Variants in DLST observed in about 807,000 individuals in gnomAD.
DLST encodes the protein dihydrolipoyllysine-residue succinyltransferase component of 2-oxoglutarate dehydrogenase complex, mitochondrial.
A neutral mutation model predicts 53.1 loss-of-function variants in DLST; 17 were observed. The ratio of observed to expected loss-of-function variants is 0.32; its 90% confidence interval spans 0.22 to 0.48. DLST has a LOEUF of 0.48. Ranked by LOEUF, DLST falls within the 20% of genes least tolerant of loss-of-function variation. DLST has a pLI of 0.99. For synonymous variants in DLST, 206 were observed against 204.8 expected, an observed-to-expected ratio of 1.01 and a Z score of -0.05; for missense variants, 512 against 583.9, an observed-to-expected ratio of 0.88 and a Z score of 1.27.
chr14:74,883,231 C>T (rs955945663), intron 2 of DLST, among the ~76,000 whole-genome samples: 3 of 148,972 alleles, frequency 2.0e-5, no homozygotes, highest in Admixed American at 6.8e-5. Flanking sequence ...GGAGGCGGAG[C>T]TTGCAGTGAG....
At chr14:74,885,821 G>A (rs752262014) in intron 3 of DLST, 187 bp downstream of exon 3, 4 of 568,454 alleles carry the variant, frequency 7.0e-6, no homozygotes, top group African/African-American at 5.9e-5. Flanking sequence ...CATCAGCTCC[G>A]TGTCAGGTTT....
chr14:74,893,272 T>TA (rs1162984899), intron 8 of DLST, 76 bp from the exon 9 acceptor site: 2 of 1,515,572 alleles, frequency 1.3e-6, no homozygotes, highest in African/African-American at 2.7e-5. Flanking sequence ...TAACAGTACA[T>TA]ATGAAAGCAC....
chr14:74,894,549 T>G (rs1884016537), intron 10 of DLST, 140 bp downstream of exon 10: 3 of 948,188 alleles, frequency 3.2e-6, no homozygotes, highest in Non-Finnish European at 4.5e-6. Context: ...GTTTGTTTGT[T>G]TTTGTTTTTG....
intron 12 of DLST, 134 bp downstream of exon 12, chr14:74,900,130 T>G: frequency 9.3e-7 from 1 of 1,078,528 alleles, no homozygotes; most frequent in Non-Finnish European, 1.4e-6. Flanking sequence ...ACCTTTTTTT[T>G]CTTTTAAACC....
chr14:74,894,516 G>A, intron 10 of DLST, 107 bp downstream of exon 10: 1 of 1,170,218 alleles, frequency 8.5e-7, no homozygotes, highest in Non-Finnish European at 1.2e-6. Flanking sequence ...TGTCAGGGAA[G>A]AGGTATTTGT....
At chr14:74,892,420 C>A (rs1301843950) in intron 7 of DLST, among the ~76,000 whole-genome samples, 1 of 151,918 alleles carries the variant, frequency 6.6e-6, no homozygotes, top group Non-Finnish European at 1.5e-5. Context: ...TAATAGTATT[C>A]TTGCATATAT....
At chr14:74,889,805 G>A in intron 5 of DLST, 92 bp from the exon 6 acceptor site, 1 of 1,253,402 alleles carries the variant, frequency 8.0e-7, no homozygotes, top group African/African-American at 1.5e-5. Flanking sequence ...TGTAGGAAAG[G>A]GTTCTTATAA....
chr14:74,887,374 C>A (rs1466768403), intron 3 of DLST, among the ~76,000 whole-genome samples: 1 of 152,016 alleles, frequency 6.6e-6, no homozygotes, highest in Admixed American at 6.6e-5. Context: ...AAAATTGGGG[C>A]AATCATGACT....
rs1218648873 is a variant in DLST, at chr14:74,902,414, C to T, written c.*84C>T. 2 of 1,472,764 alleles carry T rather than the reference C, an allele frequency of 1.4e-6. No individual in the cohort carries two copies. The highest frequency in any genetic ancestry group is 1.8e-6 in the Non-Finnish European group (2 of 1,097,238). The allele number at this position is 1,472,764 out of a possible 1,614,324, so 91.2% of individuals were successfully genotyped here. ...TGTCCCCTCATGGGTCCCGGGTTAG[C>T]CTGGTGACAGGCAGACACATGCTGT... On this transcript the variant is annotated 3_prime_UTR_variant, in exon 15 of 15. Coordinates refer to ENST00000334220, the MANE Select transcript of DLST (RefSeq NM_001933.5).
rs1331012371 is a variant in DLST at position 74,892,921 on chromosome 14, C to T, written c.530C>T (p.Ala177Val). The T allele has an allele frequency of 1.9e-6, 3 of 1,614,058 alleles. No individual in the cohort carries two copies. In the African/African-American group the frequency reaches 4.0e-5, roughly 22 times the overall value. Reference protein sequence around the residue: ...EPTAAAVPPPAAPIPTQMPPV... With the variant: ...EPTAAAVPPPVAPIPTQMPPV... ...ACAGCAGCGGCAGTTCCTCCCCCTG[C>T]AGCACCCATACCCACTCAGATGCCA... Residue 177 changes from alanine to valine, a missense_variant, in exon 8 of 15, where the codon GCA (alanine) becomes GTA (valine). Coordinates refer to ENST00000334220, the MANE Select transcript of DLST (RefSeq NM_001933.5).
In DLST at chr14:74,889,761, C is replaced by T. The variant is rs1594874558; in HGVS notation, c.275-136C>T. On this transcript the variant is annotated intron_variant, in intron 5 of 14. Transcript: ENST00000334220. ...GATAGTTGTAGAATTTATAGCTCTG[C>T]CGTTTTCTTTACATATGTACTTTCT... 5.2e-6 allele frequency: 4 copies of T among 764,764 alleles called. No individual in the cohort carries two copies. In the East Asian group the frequency reaches 1.0e-4, roughly 20 times the overall value. 47.4% of individuals were successfully genotyped at this position (764,764 alleles called of 1,614,324 possible).
intron 3 of DLST, among the ~76,000 whole-genome samples, chr14:74,888,516 C>T (rs1327708088): frequency 2.6e-5 from 4 of 151,852 alleles, no homozygotes; most frequent in Middle Eastern, 3.4e-3. Flanking sequence ...CTTTGAGACC[C>T]GTCTGGGCAA....
chr14:74,882,615 T>G lies in DLST; in HGVS notation c.88T>G (p.Ser30Ala). ...QKGNCPLGRR[S>A]LPGVSLCQGP... ...GGGGAACTGCCCTCTAGGGAGACGTTCCCTGCCTGGTAAGTTCTGCCCTTA... is the reference window on the plus strand; with the variant it reads ...GGGGAACTGCCCTCTAGGGAGACGTGCCCTGCCTGGTAAGTTCTGCCCTTA... Residue 30 changes from serine to alanine, a missense_variant, in exon 2 of 15, where the codon TCC becomes GCC. Coordinates refer to ENST00000334220, the MANE Select transcript of DLST (RefSeq NM_001933.5). 1 of 1,613,986 alleles carries G rather than the reference T, an allele frequency of 6.2e-7. No homozygotes were observed. Among genetic ancestry groups the G allele is most frequent in the Non-Finnish European group, 8.5e-7 (1 of 1,179,996 alleles).
intron 13 of DLST, among the ~76,000 whole-genome samples, chr14:74,900,683 G>A (rs1455553309): frequency 6.6e-6 from 1 of 152,228 alleles, no homozygotes; most frequent in Non-Finnish European, 1.5e-5. Flanking sequence ...ACGGAAGCTA[G>A]CGCTTGTGCC....
At chr14:74,900,164 C>G (rs2140203236) in intron 12 of DLST, 125 bp from the exon 13 acceptor site, 1 of 1,108,948 alleles carries the variant, frequency 9.0e-7, no homozygotes. Context: ...TTAACACTTT[C>G]TGTTAATCAC....
chr14:74,897,236 T>C (rs1028004962), intron 10 of DLST, among the ~76,000 whole-genome samples: 1 of 152,168 alleles, frequency 6.6e-6, no homozygotes, highest in Non-Finnish European at 1.5e-5. Context: ...TCAGTCCCCC[T>C]TGGAAAAACT....
chr14:74,882,168 G>A (rs1353052357), intron 1 of DLST, 152 bp downstream of exon 1: 2 of 641,838 alleles, frequency 3.1e-6, no homozygotes, highest in East Asian at 3.7e-5. Context: ...GCCCGGGGCC[G>A]TGGTTGCCCT....
chr14:74,894,252 CGG>C, intron 9 of DLST, 58 bp from the exon 10 acceptor site: 1 of 1,592,450 alleles, frequency 6.3e-7, no homozygotes, highest in South Asian at 1.1e-5. Flanking sequence ...TCTGACTACA[CGG>C]GGAATGCTTG....
At chr14:74,894,287 A>G (rs757902601) in intron 9 of DLST, 25 bp from the exon 10 acceptor site, 82 of 1,613,038 alleles carry the variant, frequency 5.1e-5, no homozygotes, top group Non-Finnish European at 6.7e-5. Context: ...CAGATTGTCA[A>G]TGCTTGTTCC....
Sources: gnomAD v4.1 joint callset for allele counts (sites outside exome capture counted in the v4.1 genomes callset) on GRCh38, gnomAD v4.1.1 for gene constraint, MANE v1.5 for transcripts, NCBI Gene and HGNC (gene_info 2026-07-23, HGNC 2026-07-21) for gene names.